SPTLC3: variants seen among roughly 807,000 people sequenced by gnomAD.
The protein encoded by SPTLC3 is serine palmitoyltransferase 3.
In SPTLC3, 36 loss-of-function variants were observed where a neutral mutation model predicts 59.3. That is an observed-to-expected ratio of 0.61 (90% CI 0.47 to 0.80). The LOEUF (loss-of-function observed/expected upper bound fraction) is 0.80, where lower values mean the gene tolerates loss of function less well. SPTLC3 is among the 30% of genes least tolerant of loss of function. SPTLC3 has a pLI of 0.00. For synonymous variants in SPTLC3, 257 were observed against 240.8 expected, an observed-to-expected ratio of 1.07 and a Z score of -0.62; for missense variants, 625 against 685.1, an observed-to-expected ratio of 0.91 and a Z score of 0.98.
At chr20:13,151,097 T>C (rs1018266494) in intron 9 of SPTLC3, among the ~76,000 whole-genome samples, 1 of 152,206 alleles carries the variant, frequency 6.6e-6, no homozygotes, top group Non-Finnish European at 1.5e-5. Context: ...TGTTACTGAC[T>C]CACCTTGCAC....
chr20:13,015,915 T>G (rs1176510719), intron 1 of SPTLC3, among the ~76,000 whole-genome samples: 4 of 151,194 alleles, frequency 2.6e-5, no homozygotes, highest in Admixed American at 6.6e-5. Flanking sequence ...AAACAGGAGG[T>G]CAACAATCTG....
At chr20:13,122,704 A>G (rs2122771714) in intron 8 of SPTLC3, among the ~76,000 whole-genome samples, 1 of 152,350 alleles carries the variant, frequency 6.6e-6, no homozygotes, top group African/African-American at 2.4e-5. Flanking sequence ...GCCACCAGGG[A>G]ATATCAGCTA....
chr20:13,160,578 G>C (rs1472134288), intron 11 of SPTLC3, among the ~76,000 whole-genome samples: 3 of 152,208 alleles, frequency 2.0e-5, no homozygotes, highest in Admixed American at 1.3e-4. Context: ...ACCTAAGTGA[G>C]GTGGAAATGA....
intron 1 of SPTLC3, among the ~76,000 whole-genome samples, chr20:13,045,173 T>C (rs1987178793): frequency 6.6e-6 from 1 of 152,168 alleles, no homozygotes; most frequent in African/African-American, 2.4e-5. Flanking sequence ...GCTCCCTGCA[T>C]ATTCCAGCAC....
At position 13,110,154 on chromosome 20, in the gene SPTLC3, A is replaced by T; in HGVS notation, c.869A>T (p.Tyr290Phe). 6.2e-7 allele frequency: 1 copy of T among 1,613,726 alleles called. No individual in the cohort carries two copies. The highest frequency in any genetic ancestry group is 8.5e-7 in the Non-Finnish European group (1 of 1,179,782). The change falls in exon 7 of 12, where the codon TAT becomes TTT. Residue 290 changes from tyrosine (Y) to phenylalanine (F), a missense_variant. Coordinates refer to ENST00000399002, the MANE Select transcript of SPTLC3 (RefSeq NM_018327.4). ...AAGCTCCTGAGAGATGCTGTCATCT[A>T]TGGCCAGCCTCGAACCCGCAGAGCT... ...LEKLLRDAVI[Y>F]GQPRTRRAWK...
intron 10 of SPTLC3, among the ~76,000 whole-genome samples, chr20:13,158,665 C>A (rs1600407038): frequency 6.6e-6 from 1 of 152,188 alleles, no homozygotes; most frequent in East Asian, 1.9e-4. Flanking sequence ...AGCTAGAAAG[C>A]TTCATCTCCT....
chr20:13,143,423 C>A (rs113919835), intron 9 of SPTLC3, among the ~76,000 whole-genome samples: 1 of 152,196 alleles, frequency 6.6e-6, no homozygotes, highest in African/African-American at 2.4e-5. Flanking sequence ...ATCCTCATAA[C>A]AGTATGCAGT....
At chr20:13,105,312 G>A (rs369295485) in intron 6 of SPTLC3, among the ~76,000 whole-genome samples, 1 of 151,946 alleles carries the variant, frequency 6.6e-6, no homozygotes, top group African/African-American at 2.4e-5. Context: ...CAAGAATCCT[G>A]GTGTGTTGAC....
chr20:13,148,050 T>TG (rs2038556322), intron 9 of SPTLC3, among the ~76,000 whole-genome samples: 1 of 152,182 alleles, frequency 6.6e-6, no homozygotes, highest in Non-Finnish European at 1.5e-5. Flanking sequence ...TGCATGCCAA[T>TG]GGTTTAACAG....
intron 1 of SPTLC3, among the ~76,000 whole-genome samples, chr20:13,013,965 T>C (rs1367723310): frequency 6.6e-6 from 1 of 152,206 alleles, no homozygotes; most frequent in Non-Finnish European, 1.5e-5. Context: ...TACCAGCTGT[T>C]GTCCAAAGCA....
intron 2 of SPTLC3, among the ~76,000 whole-genome samples, chr20:13,066,968 G>T (rs243879): frequency 0.41 from 61,807 of 149,234 alleles, 12,892 homozygotes; most frequent in Middle Eastern, 0.56. Context: ...TTTTGTCATG[G>T]TCATTATTTT....
chr20:13,014,408 T>C (rs185586563), intron 1 of SPTLC3, among the ~76,000 whole-genome samples: 25 of 152,266 alleles, frequency 1.6e-4, no homozygotes, highest in African/African-American at 5.8e-4. Flanking sequence ...TGTACAGGCA[T>C]AGAAAGGCAT....
chr20:13,049,462 C>T, intron 2 of SPTLC3: 1 of 242,072 alleles, frequency 4.1e-6, no homozygotes, highest in South Asian at 4.9e-5. Context: ...AGCAAGTGCT[C>T]CTGGGTGGGA....
In SPTLC3 at chr20:13,024,687, G is replaced by A. The variant is rs377599694; in HGVS notation, c.117+15303G>A. On this transcript the variant is annotated intron_variant, in intron 1 of 11. Coordinates refer to ENST00000399002, the MANE Select transcript of SPTLC3 (RefSeq NM_018327.4). ...CTAAAACTGCTCACTTAAAATTAAA[G>A]AGTTTAATCTCTGGAGAAGAGAACT... Among the ~76,000 whole-genome samples the A allele has an allele frequency of 8.5e-5, 13 of 152,272 alleles. No individual in the cohort carries two copies. In the East Asian group the frequency reaches 1.9e-3, roughly 23 times the overall value.
At chr20:13,134,780 G>T (rs1244239456) in intron 9 of SPTLC3, among the ~76,000 whole-genome samples, 1 of 152,078 alleles carries the variant, frequency 6.6e-6, no homozygotes, top group African/African-American at 2.4e-5. Flanking sequence ...AAAGAAAAAA[G>T]GAGGAAGAAG....
At chr20:13,011,740 T>A (rs1332413745) in intron 1 of SPTLC3, among the ~76,000 whole-genome samples, 1 of 151,836 alleles carries the variant, frequency 6.6e-6, no homozygotes, top group Non-Finnish European at 1.5e-5. Context: ...TTCCTGTTTT[T>A]TTTTTTTCTT....
intron 1 of SPTLC3, among the ~76,000 whole-genome samples, chr20:13,011,348 G>C (rs189707214): frequency 1.3e-5 from 2 of 152,118 alleles, no homozygotes; most frequent in Admixed American, 1.3e-4. Context: ...CTAGGCTGCT[G>C]GTCTCCCAAA....
intron 4 of SPTLC3, among the ~76,000 whole-genome samples, chr20:13,089,539 A>G (rs1488958731): frequency 6.6e-6 from 1 of 152,184 alleles, no homozygotes; most frequent in African/African-American, 2.4e-5. Context: ...TAATCCCAGC[A>G]CTTTGGGAGG....
At chr20:13,129,344 A>G (rs939692504) in intron 9 of SPTLC3, among the ~76,000 whole-genome samples, 1 of 152,178 alleles carries the variant, frequency 6.6e-6, no homozygotes, top group African/African-American at 2.4e-5. Context: ...AGCGAGATAG[A>G]GTGGCATCTT....
Sources: allele counts gnomAD v4.1 joint callset (sites outside exome capture counted in the v4.1 genomes callset), GRCh38; gene constraint gnomAD v4.1.1; transcripts MANE v1.5; gene names NCBI Gene and HGNC (gene_info 2026-07-23, HGNC 2026-07-21).